The following TAFA2 variants were observed in gnomAD, a reference collection of about 807,000 sequenced individuals.
TAFA2 encodes the protein chemokine-like protein TAFA-2.
A neutral mutation model predicts 18.8 loss-of-function variants in TAFA2; 7 were observed. The observed-to-expected ratio is 0.37, with a 90% CI of 0.21 to 0.70. TAFA2 has a LOEUF of 0.70. TAFA2 is among the 30% of genes least tolerant of loss of function. The probability of loss-of-function intolerance (pLI) is 0.53; values close to 1 mark genes in which losing one functional copy is unlikely to be tolerated. For missense variants in TAFA2, 122 were observed against 158.1 expected (o/e 0.77, Z 1.23); for synonymous variants, 60 against 54.2 (o/e 1.11, Z -0.47).
chr12:62,225,016 C>T (rs1205404707), intron 1 of TAFA2, among the ~76,000 whole-genome samples: 2 of 152,020 alleles, frequency 1.3e-5, no homozygotes, highest in African/African-American at 4.8e-5. Flanking sequence ...ATCACTTGAA[C>T]CCAGGAGGCG....
intron 4 of TAFA2, among the ~76,000 whole-genome samples, chr12:61,732,036 C>T (rs1391279579): frequency 6.6e-6 from 1 of 151,856 alleles, no homozygotes; most frequent in Non-Finnish European, 1.5e-5. Flanking sequence ...TATTTTAGGC[C>T]CTGCCAAGAG....
intron 1 of TAFA2, among the ~76,000 whole-genome samples, chr12:62,109,338 T>C (rs1869613576): frequency 6.6e-6 from 1 of 152,210 alleles, no homozygotes; most frequent in Non-Finnish European, 1.5e-5. Context: ...CATTGGTCTA[T>C]ATATCTGTTT....
intron 2 of TAFA2, among the ~76,000 whole-genome samples, chr12:61,790,394 A>G (rs971035923): frequency 1.1e-4 from 17 of 151,784 alleles, no homozygotes; most frequent in African/African-American, 4.1e-4. Context: ...AATCAATAAA[A>G]CTTATCCAAA....
intron 1 of TAFA2, among the ~76,000 whole-genome samples, chr12:62,077,366 G>A (rs1015596943): frequency 6.6e-6 from 1 of 152,122 alleles, no homozygotes; most frequent in Non-Finnish European, 1.5e-5. Context: ...GCTATCTTTC[G>A]CATAAGAGTA....
intron 1 of TAFA2, among the ~76,000 whole-genome samples, chr12:61,989,074 T>C (rs1879911757): frequency 6.6e-6 from 1 of 152,204 alleles, no homozygotes; most frequent in South Asian, 2.1e-4. Context: ...TATGCATTAA[T>C]AGTGTGCTGT....
At chr12:62,119,383 C>T (rs986516762) in intron 1 of TAFA2, among the ~76,000 whole-genome samples, 1 of 151,998 alleles carries the variant, frequency 6.6e-6, no homozygotes, top group Non-Finnish European at 1.5e-5. Flanking sequence ...ATGATTTCCC[C>T]GAAGCATCCC....
intron 1 of TAFA2, chr12:62,070,497 T>C (rs1362065179): frequency 6.6e-6 from 1 of 152,214 alleles, no homozygotes; most frequent in Non-Finnish European, 1.5e-5. Flanking sequence ...CATTGAGTGC[T>C]CCCTTACTGA....
chr12:62,116,042 T>C (rs1252538758), intron 1 of TAFA2, among the ~76,000 whole-genome samples: 2 of 152,206 alleles, frequency 1.3e-5, no homozygotes, highest in Non-Finnish European at 2.9e-5. Context: ...AATTGAATAT[T>C]AGTTCTTTAG....
At chr12:62,071,601 T>C (rs1057295721) in intron 1 of TAFA2, among the ~76,000 whole-genome samples, 6 of 152,104 alleles carry the variant, frequency 3.9e-5, no homozygotes, top group Non-Finnish European at 8.8e-5. Context: ...TTTCAAAAAT[T>C]ACTTCAACTT....
At chr12:61,761,043 T>C (rs569282264) in intron 2 of TAFA2, among the ~76,000 whole-genome samples, 13 of 152,160 alleles carry the variant, frequency 8.5e-5, no homozygotes, top group Admixed American at 6.6e-4. Flanking sequence ...CTTCCAAGGT[T>C]ATGGCCCTTA....
At chr12:61,781,471 A>G (rs1319408468) in intron 2 of TAFA2, among the ~76,000 whole-genome samples, 2 of 151,798 alleles carry the variant, frequency 1.3e-5, no homozygotes, top group Non-Finnish European at 2.9e-5. Context: ...CTTGTAAAGC[A>G]GCTTAGACTT....
At chr12:61,873,074 T>C (rs184375389) in intron 1 of TAFA2, among the ~76,000 whole-genome samples, 1 of 152,148 alleles carries the variant, frequency 6.6e-6, no homozygotes, top group Non-Finnish European at 1.5e-5. Flanking sequence ...CATCAAGAGA[T>C]GTAGAATGAA....
At position 61,863,209 on chromosome 12, in the gene TAFA2, T is replaced by C. The variant is rs141065795; in HGVS notation, c.106+4111A>G. Among the ~76,000 whole-genome samples, 4 of 152,274 alleles carry C rather than the reference T, an allele frequency of 2.6e-5. No individual in the cohort carries two copies. In the East Asian group the frequency reaches 7.7e-4, roughly 29 times the overall value. On this transcript the variant is annotated intron_variant, in intron 2 of 4. Transcript: ENST00000416284. ...AATCAGTCTGTGCTCCTTACACTGA[T>C]AGACCAGAGAGAGAGAGAAAAGGAG...
chr12:61,769,069 CTT>C (rs1340979501), intron 2 of TAFA2, among the ~76,000 whole-genome samples: 2 of 151,926 alleles, frequency 1.3e-5, no homozygotes, highest in Non-Finnish European at 2.9e-5. Flanking sequence ...TCACTGCCAG[CTT>C]TCCCCCACTT....
In TAFA2 at chr12:61,867,401, C is replaced by T; in HGVS notation, c.25G>A (p.Ala9Thr). The T allele has an allele frequency of 6.2e-7, 1 of 1,601,712 alleles. No individual in the cohort carries two copies. Among genetic ancestry groups the T allele is most frequent in the South Asian group, 1.1e-5 (1 of 90,532 alleles). The stretch of plus-strand genomic sequence containing the variant: ...ATTATTAGCAGTTTTCCTTTTGTTG[C>T]TTTCTGTAAGTATCTCTTACTCATC... Reference protein sequence around the residue: MSKRYLQKATKGKLLIIIF... With the variant: MSKRYLQKTTKGKLLIIIF... The change falls in exon 2 of 5, where the codon GCA (alanine) becomes ACA (threonine). Residue 9 changes from alanine to threonine, a missense_variant. Around this residue, in one of 2 missense-constraint regions of TAFA2, gnomAD observed 62 missense variants for 55.5 expected, o/e 1.12. Transcript: ENST00000416284.
At chr12:61,907,904 CT>C (rs915941512) in intron 1 of TAFA2, among the ~76,000 whole-genome samples, 2 of 152,154 alleles carry the variant, frequency 1.3e-5, no homozygotes, top group African/African-American at 2.4e-5. Flanking sequence ...GAATTTTGGG[CT>C]TGCATGAGGC....
chr12:61,764,281 A>G (rs1293817003), intron 2 of TAFA2, among the ~76,000 whole-genome samples: 3 of 135,622 alleles, frequency 2.2e-5, no homozygotes, highest in African/African-American at 8.1e-5. Context: ...CAAAGTTTGA[A>G]AAGAAAATTT....
intron 2 of TAFA2, among the ~76,000 whole-genome samples, chr12:61,820,220 A>G (rs1872260518): frequency 6.6e-6 from 1 of 152,086 alleles, no homozygotes; most frequent in Non-Finnish European, 1.5e-5. Context: ...TTACATTAAC[A>G]AGACAAGTTT....
At chr12:61,749,344 CT>C (rs1162476518) in intron 4 of TAFA2, among the ~76,000 whole-genome samples, 1 of 152,006 alleles carries the variant, frequency 6.6e-6, no homozygotes, top group Non-Finnish European at 1.5e-5. Context: ...TGGCATACTC[CT>C]TGTGGGCTTG....
Sources: allele counts gnomAD v4.1 joint callset (sites outside exome capture counted in the v4.1 genomes callset), GRCh38; gene constraint gnomAD v4.1.1; regional missense constraint gnomAD v4.1.1; transcripts MANE v1.5; gene names NCBI Gene and HGNC (gene_info 2026-07-23, HGNC 2026-07-21).